The following CNTNAP5 variants were observed in gnomAD, a reference collection of about 807,000 sequenced individuals.
The protein encoded by CNTNAP5 is contactin associated protein family member 5, also known as contactin-associated protein-like 5.
Under a neutral mutation model 150.2 loss-of-function variants are expected in CNTNAP5, and 72 were observed. The ratio of observed to expected loss-of-function variants is 0.48; its 90% CI spans 0.40 to 0.58. The LOEUF is 0.58. Among genes scored for constraint, CNTNAP5 ranks in the 20% least tolerant of loss-of-function variants. The pLI is 0.00. For synonymous variants in CNTNAP5, 672 were observed against 619.8 expected, an observed-to-expected ratio of 1.08 and a Z score of -1.25; for missense variants, 1,636 against 1,626.2, an observed-to-expected ratio of 1.01 and a Z score of -0.10.
chr2:124,534,249 T>A (rs1695179243), intron 10 of CNTNAP5, among the ~76,000 whole-genome samples: 1 of 151,928 alleles, frequency 6.6e-6, no homozygotes, highest in Non-Finnish European at 1.5e-5. Context: ...CCAGAGAGAG[T>A]TCTTGGATCT....
intron 1 of CNTNAP5, among the ~76,000 whole-genome samples, chr2:124,095,286 T>A (rs1682907886): frequency 6.6e-6 from 1 of 151,254 alleles, no homozygotes; most frequent in Non-Finnish European, 1.5e-5. Context: ...TAAGCGGGAG[T>A]TGAACAACGA....
intron 9 of CNTNAP5, among the ~76,000 whole-genome samples, chr2:124,525,615 G>T (rs1398300469): frequency 6.6e-6 from 1 of 152,088 alleles, no homozygotes; most frequent in South Asian, 2.1e-4. Flanking sequence ...TGTACATATC[G>T]AGGTCTCCTA....
chr2:124,639,850 A>C (rs1297405904), intron 12 of CNTNAP5, among the ~76,000 whole-genome samples: 1 of 152,126 alleles, frequency 6.6e-6, no homozygotes, highest in Non-Finnish European at 1.5e-5. Flanking sequence ...GGTGACTTAG[A>C]CTTAGGGCTT....
chr2:124,563,814 C>T (rs1350901409), intron 11 of CNTNAP5, among the ~76,000 whole-genome samples: 2 of 152,142 alleles, frequency 1.3e-5, no homozygotes, highest in African/African-American at 4.8e-5. Flanking sequence ...TGGAAGATTG[C>T]TGTAGTAAGA....
At chr2:124,603,125 T>G (rs1697023940) in intron 11 of CNTNAP5, among the ~76,000 whole-genome samples, 1 of 150,266 alleles carries the variant, frequency 6.7e-6, no homozygotes, top group Non-Finnish European at 1.5e-5. Flanking sequence ...CTAAACAAGA[T>G]CTAAGCATAG....
intron 21 of CNTNAP5, 149 bp from the exon 22 acceptor site, chr2:124,902,733 T>C (rs1573700009): frequency 1.7e-5 from 9 of 524,362 alleles, no homozygotes; most frequent in Non-Finnish European, 2.7e-5. Context: ...GGAAAGGAGA[T>C]AAAGAGAGAT....
At chr2:124,479,887 C>G in intron 7 of CNTNAP5, among the ~76,000 whole-genome samples, 1 of 152,074 alleles carries the variant, frequency 6.6e-6, no homozygotes. Context: ...AAAATGAGGG[C>G]AAATATAGTA....
chr2:124,671,155 A>G (rs1359876856), intron 13 of CNTNAP5, among the ~76,000 whole-genome samples: 2 of 152,198 alleles, frequency 1.3e-5, no homozygotes, highest in Admixed American at 6.5e-5. Context: ...TATCATTGGT[A>G]TAATTATTAG....
intron 11 of CNTNAP5, among the ~76,000 whole-genome samples, chr2:124,582,275 A>G (rs1248729718): frequency 1.3e-5 from 2 of 152,166 alleles, no homozygotes; most frequent in Admixed American, 6.5e-5. Context: ...CTCATCGGAC[A>G]GTATTCAAGT....
At chr2:124,518,641 T>C (rs1573431302) in intron 8 of CNTNAP5, among the ~76,000 whole-genome samples, 1 of 152,116 alleles carries the variant, frequency 6.6e-6, no homozygotes, top group Non-Finnish European at 1.5e-5. Flanking sequence ...AGCAGCATTA[T>C]TCTTAATGGT....
At chr2:124,658,973 G>T (rs1678517318) in intron 13 of CNTNAP5, among the ~76,000 whole-genome samples, 1 of 152,142 alleles carries the variant, frequency 6.6e-6, no homozygotes, top group Non-Finnish European at 1.5e-5. Context: ...TTCTGGTGAT[G>T]AGCTCACTTA....
At chr2:124,638,086 G>T (rs147038112) in intron 12 of CNTNAP5, among the ~76,000 whole-genome samples, 138 of 151,920 alleles carry the variant, frequency 9.1e-4, no homozygotes, top group African/African-American at 3.2e-3. Flanking sequence ...GCGTGTATGT[G>T]TGTGTGTGTG....
chr2:124,565,950 T>TG (rs1553480216), intron 11 of CNTNAP5, among the ~76,000 whole-genome samples: 3 of 101,898 alleles, frequency 2.9e-5, no homozygotes, highest in Non-Finnish European at 6.6e-5. Context: ...AATTGAGGGA[T>TG]CCTTTTTTTT....
chr2:124,701,778 C>T (rs1573557033), intron 13 of CNTNAP5, among the ~76,000 whole-genome samples: 1 of 152,022 alleles, frequency 6.6e-6, no homozygotes, highest in Non-Finnish European at 1.5e-5. Flanking sequence ...ATGCTGAGCA[C>T]CTTTACATAT....
In CNTNAP5 at chr2:124,724,337, A is replaced by C. The variant is rs141263713; in HGVS notation, c.2078-22892A>C. On this transcript the variant is annotated intron_variant, in intron 13 of 23. Coordinates refer to ENST00000682447, the MANE Select transcript of CNTNAP5 (RefSeq NM_001367498.1). The stretch of plus-strand genomic sequence containing the variant: ...TTAAGAGATGTGTAGGGTGAAGTAC[A>C]GGTGAAGGACCATGGAGGTTCCACA... Among the ~76,000 whole-genome samples, 940 of 152,136 alleles carry C rather than the reference A, an allele frequency of 6.2e-3. 12 individuals carry two copies. Among genetic ancestry groups the C allele is most frequent in the African/African-American group, 0.021 (873 of 41,516 alleles).
At chr2:124,808,516 A>C (rs1053058969) in intron 19 of CNTNAP5, among the ~76,000 whole-genome samples, 5 of 151,388 alleles carry the variant, frequency 3.3e-5, no homozygotes, top group Non-Finnish European at 7.4e-5. Context: ...TGAACCTGGG[A>C]GGCAGACGTT....
chr2:124,753,953 C>A (rs6739209), intron 14 of CNTNAP5, among the ~76,000 whole-genome samples: 96,562 of 151,586 alleles, frequency 0.64, 31,432 homozygotes, highest in East Asian at 0.96. Context: ...TTGGTGAATG[C>A]ATGTCTAATC....
At chr2:124,077,258 A>G (rs1181169651) in intron 1 of CNTNAP5, among the ~76,000 whole-genome samples, 1 of 152,054 alleles carries the variant, frequency 6.6e-6, no homozygotes, top group Non-Finnish European at 1.5e-5. Flanking sequence ...ACATACCTCT[A>G]AATACGTCTC....
chr2:124,066,754 A>G (rs559602569), intron 1 of CNTNAP5, among the ~76,000 whole-genome samples: 95 of 152,312 alleles, frequency 6.2e-4, no homozygotes, highest in African/African-American at 2.0e-3. Flanking sequence ...CCCACTACCT[A>G]TGGAAAACTA....
Sources: allele counts gnomAD v4.1 joint callset (sites outside exome capture counted in the v4.1 genomes callset), GRCh38; gene constraint gnomAD v4.1.1; transcripts MANE v1.5; gene names NCBI Gene and HGNC (gene_info 2026-07-23, HGNC 2026-07-21).